The following PI15 variants were observed in gnomAD, a reference collection of about 807,000 sequenced individuals.
PI15 encodes peptidase inhibitor 15, also known as 25 kDa trypsin inhibitor.
In PI15, 18 loss-of-function variants were observed where a neutral mutation model predicts 31.0. The ratio of observed to expected loss-of-function variants is 0.58; its 90% CI spans 0.40 to 0.86. The LOEUF is 0.86. Among genes scored for constraint, PI15 ranks in the 40% least tolerant of loss-of-function variants. PI15 has a pLI of 0.00. For missense variants in PI15, 282 were observed against 328.1 expected, an observed-to-expected ratio of 0.86 and a Z score of 1.09; for synonymous variants, 118 against 119.1, an observed-to-expected ratio of 0.99 and a Z score of 0.06.
intron 2 of PI15, among the ~76,000 whole-genome samples, chr8:74,838,479 A>G (rs1810900753): frequency 6.6e-6 from 1 of 152,036 alleles, no homozygotes; most frequent in South Asian, 2.1e-4. Flanking sequence ...GGTATATTTC[A>G]TGATGCGAGG....
chr8:74,847,445 C>CAA (rs34112666), intron 5 of PI15, among the ~76,000 whole-genome samples: 15 of 128,646 alleles, frequency 1.2e-4, no homozygotes, highest in Admixed American at 6.5e-4. Flanking sequence ...AACTCTGTCT[C>CAA]AAAAAAAAAA....
At chr8:74,846,396 A>T (rs559554868) in intron 5 of PI15, among the ~76,000 whole-genome samples, 3 of 151,612 alleles carry the variant, frequency 2.0e-5, no homozygotes, top group Admixed American at 6.6e-5. Context: ...CTGCATTATT[A>T]AAAAAAGCAT....
intron 2 of PI15, among the ~76,000 whole-genome samples, chr8:74,825,965 A>G (rs1347882063): frequency 6.6e-6 from 1 of 152,050 alleles, no homozygotes. Context: ...TTTCATATGC[A>G]TGATTTATTC....
In PI15 at chr8:74,845,247, C is replaced by T. The variant is rs769651234; in HGVS notation, c.512C>T (p.Thr171Ile). The T allele has an allele frequency of 9.3e-6, 15 of 1,613,394 alleles. No individual in the cohort carries two copies. The South Asian group carries it at 1.1e-4, about 12-fold the overall frequency. Residue 171 changes from threonine to isoleucine, a missense_variant, in exon 4 of 6, where the codon ACA (threonine) becomes ATA (isoleucine). Thr to Ile is a moderately conservative substitution (Grantham distance 89). Transcript: ENST00000260113. ...CPMRCFGPMC[T>I]HYTQMVWATS... ...ATGAGATGTTTTGGTCCCATGTGCA[C>T]ACATTATACGCAGGTTATTTCAATT...
At chr8:74,844,431 G>C (rs1810991612) in intron 3 of PI15, among the ~76,000 whole-genome samples, 1 of 75,680 alleles carries the variant, frequency 1.3e-5, no homozygotes, top group Admixed American at 1.1e-4. Context: ...CAGAGGCTGT[G>C]TGTGTGTGTG....
At chr8:74,847,496 AT>A (rs1811042888) in intron 5 of PI15, among the ~76,000 whole-genome samples, 1 of 151,872 alleles carries the variant, frequency 6.6e-6, no homozygotes. Context: ...ATGGTACAGG[AT>A]TAGGATAAGA....
rs902373955 is a variant in PI15 at position 74,851,060 on chromosome 8, G to C, written c.*1807G>C. The C allele has an allele frequency of 6.6e-6, 1 of 152,562 alleles. No homozygotes were observed. The allele number at this position is 152,562 out of a possible 1,614,324, so 9.5% of individuals were successfully genotyped here. A position where few individuals can be genotyped will look rare whatever the true frequency, so the allele number is the denominator to read the frequency against. ...CACCATCTGGAGATTGAGTCTACTT[G>C]TTAATGAATGACTAGCCCAATTATC... On this transcript the variant is annotated 3_prime_UTR_variant, in exon 6 of 6. Coordinates refer to ENST00000260113, the MANE Select transcript of PI15 (RefSeq NM_015886.5).
At chr8:74,845,927 T>C (rs1811018886) in intron 5 of PI15, 1 of 157,698 alleles carries the variant, frequency 6.3e-6, no homozygotes, top group Non-Finnish European at 1.4e-5. Context: ...TCTTATTTTT[T>C]AGATTTTAAA....
At chr8:74,834,359 A>G (rs1810831671) in intron 2 of PI15, among the ~76,000 whole-genome samples, 1 of 152,216 alleles carries the variant, frequency 6.6e-6, no homozygotes, top group South Asian at 2.1e-4. Context: ...GAAATCATAC[A>G]GAAAAACTCA....
At chr8:74,826,955 T>C (rs1354269546) in intron 2 of PI15, among the ~76,000 whole-genome samples, 4 of 152,106 alleles carry the variant, frequency 2.6e-5, no homozygotes, top group African/African-American at 9.7e-5. Context: ...AGAAGAGATG[T>C]TTTTAGAAGG....
chr8:74,847,055 A>G (rs541039996), intron 5 of PI15, among the ~76,000 whole-genome samples: 1 of 152,292 alleles, frequency 6.6e-6, no homozygotes, highest in South Asian at 2.1e-4. Flanking sequence ...GTTTCTAAAA[A>G]TATGTGCTCC....
chr8:74,827,495 G>C (rs115998452), intron 2 of PI15, among the ~76,000 whole-genome samples: 2,274 of 152,214 alleles, frequency 0.015, 45 homozygotes, highest in African/African-American at 0.052. Context: ...TCATTTGATA[G>C]CTCACATTCT....
chr8:74,849,071 A>C, intron 5 of PI15, 47 bp from the exon 6 acceptor site: 1 of 1,570,714 alleles, frequency 6.4e-7, no homozygotes, highest in Non-Finnish European at 8.7e-7. Context: ...TACTTTTAAA[A>C]AATGGGTGGG....
chr8:74,845,450 A>T lies in PI15; in HGVS notation c.594A>T (p.Gly198=), dbSNP rs1218602189. ...CTTGCCAAAACATGAATGTTTGGGG[A>T]TCTGTGTGGCGACGTGCAGTTTACT... The part of the protein sequence containing the change: ...IHTCQNMNVW[G]SVWRRAVYLV... Residue 198 remains glycine (G), a synonymous_variant, in exon 5 of 6, where the codon GGA becomes GGT. Transcript: ENST00000260113. 3.7e-6 allele frequency: 6 copies of T among 1,613,962 alleles called. No individual in the cohort carries two copies. The highest frequency in any genetic ancestry group is 5.1e-6 in the Non-Finnish European group (6 of 1,179,956).
At chr8:74,839,039 A>G (rs1810909215) in intron 2 of PI15, among the ~76,000 whole-genome samples, 1 of 152,192 alleles carries the variant, frequency 6.6e-6, no homozygotes, top group Non-Finnish European at 1.5e-5. Context: ...ATGCAGCAAC[A>G]TTTTTTACTC....
intron 5 of PI15, among the ~76,000 whole-genome samples, chr8:74,848,732 TAG>T (rs1004356103): frequency 9.5e-5 from 13 of 136,328 alleles, no homozygotes; most frequent in South Asian, 2.4e-4. Flanking sequence ...TATATATATA[TAG>T]AGAGAGAGAG....
At chr8:74,840,851 C>G (rs1208429654) in intron 2 of PI15, among the ~76,000 whole-genome samples, 1 of 152,128 alleles carries the variant, frequency 6.6e-6, no homozygotes, top group Admixed American at 6.5e-5. Flanking sequence ...TCCCTCCTTC[C>G]CTGTAACTAC....
In PI15 at chr8:74,849,289, G is replaced by T; in HGVS notation, c.*36G>T. ...TCCTCCAGGAAATATAATGATTTCT[G>T]GGAACATGGGCATGTATATATATAT... On this transcript the variant is annotated 3_prime_UTR_variant, in exon 6 of 6. Transcript: ENST00000260113. 1.3e-6 allele frequency: 2 copies of T among 1,556,128 alleles called. No individual in the cohort carries two copies. The highest frequency in any genetic ancestry group is 1.1e-5 in the South Asian group (1 of 88,050).
chr8:74,853,463 T>C lies in PI15; in HGVS notation c.*4210T>C, dbSNP rs74724885. 0.011 allele frequency: 1,706 copies of C among 152,648 alleles called. 26 individuals carry two copies. The highest frequency in any genetic ancestry group is 0.035 in the African/African-American group (1,438 of 41,564). 9.5% of individuals were successfully genotyped at this position (152,648 alleles called of 1,614,324 possible). A position where few individuals can be genotyped will look rare whatever the true frequency, so the allele number is the denominator to read the frequency against. Reference sequence around the variant, plus strand: ...CCAACATTATTTAGGTGTTACAGAGTGTAAATATATTTCTTTGGGAGTTAT... The same window carrying C: ...CCAACATTATTTAGGTGTTACAGAGCGTAAATATATTTCTTTGGGAGTTAT... On this transcript the variant is annotated 3_prime_UTR_variant, in exon 6 of 6. Transcript: ENST00000260113.
Sources: allele counts gnomAD v4.1 joint callset (sites outside exome capture counted in the v4.1 genomes callset), GRCh38; gene constraint gnomAD v4.1.1; transcripts MANE v1.5; gene names NCBI Gene and HGNC (gene_info 2026-07-23, HGNC 2026-07-21).